The following C2 variants were observed in gnomAD, a reference collection of about 807,000 sequenced individuals.
C2 encodes C3/C5 convertase.
In C2, 64 loss-of-function variants were observed where a neutral mutation model predicts 85.2. That is an observed-to-expected ratio of 0.75 (90% confidence interval 0.61 to 0.92). C2 has a LOEUF of 0.92. Among genes scored for constraint, C2 ranks in the 40% least tolerant of loss-of-function variants. The pLI is 0.00. For missense variants in C2, 820 were observed against 971.6 expected (o/e 0.84, Z 2.07); for synonymous variants, 311 against 370.8 (o/e 0.84, Z 1.85).
chr6:31,941,046 A>T, intron 9 of C2: 1 of 152,388 alleles, frequency 6.6e-6, no homozygotes, highest in Non-Finnish European at 1.5e-5. Flanking sequence ...GTGTGGGTCC[A>T]GGGCCTCCAG....
rs1769490887 is a variant in C2, at chr6:31,928,865, G to T, written c.390G>T (p.Gln130His). ...GFILRGSPVR[Q>H]CRPNGMWDGE... ...TATTGCGGGGCTCGCCTGTGCGTCA[G>T]TGTCGCCCCAACGGCATGTGGGATG... Residue 130 changes from glutamine to histidine, a missense_variant, in exon 3 of 18, where the codon CAG becomes CAT. By Grantham distance (24) the Gln-to-His change is conservative. Transcript: ENST00000299367. 1 of 1,614,230 alleles carries T rather than the reference G, an allele frequency of 6.2e-7. No individual in the cohort carries two copies. Among genetic ancestry groups the T allele is most frequent in the Non-Finnish European group, 8.5e-7 (1 of 1,180,038 alleles).
chr6:31,908,529 G>A (rs1767883030), intron 1 of C2, among the ~76,000 whole-genome samples: 1 of 151,412 alleles, frequency 6.6e-6, no homozygotes, highest in Non-Finnish European at 1.5e-5. Flanking sequence ...GGGGGTGCCT[G>A]TAGTCCCAGC....
At chr6:31,933,091 CAGAGGGAGACCGTGGAAAG>C (rs1770056195) in intron 3 of C2, among the ~76,000 whole-genome samples, 1 of 150,232 alleles carries the variant, frequency 6.7e-6, no homozygotes, top group Non-Finnish European at 1.5e-5. Flanking sequence ...GGCTCGGCAT[CAGAGGGAGACCGTGGAAAG>C]AGAGGGAGAG....
intron 3 of C2, 148 bp from the exon 4 acceptor site, chr6:31,933,462 T>C (rs1770092795): frequency 3.9e-6 from 3 of 761,194 alleles, no homozygotes; most frequent in Non-Finnish European, 4.4e-6. Flanking sequence ...AGCTGACTTC[T>C]TCCCTGGGTC....
chr6:31,932,614 C>T (rs1554279587), intron 3 of C2: 1,774 of 163,352 alleles, frequency 0.011, 28 homozygotes, highest in African/African-American at 0.022. Flanking sequence ...CGGGCAGAGA[C>T]GCTCCTCACT....
chr6:31,903,447 T>C lies in C2; in HGVS notation c.73+2308T>C, dbSNP rs140128047. ...GAGTTCGAGACCAGCCTGGCCAACA[T>C]GGTGAAACCCTGACTCTACTAAATA... On this transcript the variant is annotated intron_variant, in intron 1 of 3. Coordinates refer to the C2 transcript ENST00000452202. 6.3e-3 allele frequency among the ~76,000 whole-genome samples: 952 copies of C among 151,472 alleles called. 11 individuals carry two copies. The highest frequency in any genetic ancestry group is 0.022 in the African/African-American group (893 of 41,106).
At chr6:31,931,553 CAT>C (rs1357393656) in intron 3 of C2, among the ~76,000 whole-genome samples, 1 of 151,882 alleles carries the variant, frequency 6.6e-6, no homozygotes. Flanking sequence ...GGATACAGCA[CAT>C]GTTTCAGAGA....
intron 9 of C2, among the ~76,000 whole-genome samples, chr6:31,942,124 CT>C (rs28986183): frequency 1.8e-3 from 216 of 122,204 alleles, no homozygotes; most frequent in Middle Eastern, 5.0e-3. Context: ...CTCACCTCTT[CT>C]TTTTTTTTTT....
intron 1 of C2, among the ~76,000 whole-genome samples, chr6:31,914,812 C>T (rs1768385797): frequency 6.6e-6 from 1 of 151,844 alleles, no homozygotes; most frequent in Admixed American, 6.6e-5. Flanking sequence ...ACTTGGGAGG[C>T]TGAGGCAGGA....
Position 31,935,773 on chromosome 6 carries a change from A to C in C2, c.850-150A>C, listed in dbSNP as rs1428267004. ...CGCGCCCAGCCCCTAGCTTCTTCCT[A>C]ACAGCCATTTCCTAGTGTCTCCCCT... On this transcript the variant is annotated intron_variant, in intron 6 of 17. Coordinates refer to ENST00000299367, the MANE Select transcript of C2 (RefSeq NM_000063.6). This position sits in a 1 kb window ranked among gnomAD's most constrained non-coding sequence, Gnocchi z 4.3. 1 of 861,504 alleles carries C rather than the reference A, an allele frequency of 1.2e-6. No homozygotes were observed. Among genetic ancestry groups the C allele is most frequent in the African/African-American group, 1.7e-5 (1 of 60,530 alleles). 53.4% of individuals were successfully genotyped at this position (861,504 alleles called of 1,614,324 possible).
chr6:31,933,748 A>G lies in C2; in HGVS notation c.581A>G (p.Asn194Ser), dbSNP rs1770138957. The change falls in exon 4 of 18, where the codon AAC becomes AGC. Residue 194 changes from asparagine to serine, a missense_variant. Coordinates refer to ENST00000299367, the MANE Select transcript of C2 (RefSeq NM_000063.6). ...TGSSERECQG[N>S]GVWSGTEPIC... ...TCTTCGGAGCGGGAGTGCCAGGGCA[A>G]CGGGGTCTGGAGTGGAACGGAGCCC... 1.9e-6 allele frequency: 3 copies of G among 1,613,534 alleles called. No homozygotes were observed. The South Asian group carries it at 3.3e-5, about 18-fold the overall frequency.
At chr6:31,898,814 G>T (rs1404668370), upstream of C2, among the ~76,000 whole-genome samples, 1 of 152,028 alleles carries the variant, frequency 6.6e-6, no homozygotes, top group Non-Finnish European at 1.5e-5. Context: ...CCCCACGACT[G>T]CCAATCACTT....
At chr6:31,913,513 T>C (rs985548767) in intron 1 of C2, among the ~76,000 whole-genome samples, 1 of 151,982 alleles carries the variant, frequency 6.6e-6, no homozygotes, top group Non-Finnish European at 1.5e-5. Flanking sequence ...AAGGCAGAGG[T>C]TACAGTGAGC....
Position 31,936,182 on chromosome 6 carries a change from C to A in C2, c.988+121C>A, listed in dbSNP as rs41267098. 4,134 of 1,088,274 alleles carry A rather than the reference C, an allele frequency of 3.8e-3. 29 individuals carry two copies. Among genetic ancestry groups the A allele is most frequent in the Middle Eastern group, 0.022 (96 of 4,276 alleles). 67.4% of individuals were successfully genotyped at this position (1,088,274 alleles called of 1,614,324 possible). A position where few individuals can be genotyped will look rare whatever the true frequency, so the allele number is the denominator to read the frequency against. On this transcript the variant is annotated intron_variant, in intron 7 of 17. Coordinates refer to ENST00000299367, the MANE Select transcript of C2 (RefSeq NM_000063.6). The stretch of plus-strand genomic sequence containing the variant: ...GCCTCTTGGTGGCACCTGAGTCCCA[C>A]GAGTCTGGGGTAGTTTCAACGTCCA...
intron 1 of C2, among the ~76,000 whole-genome samples, chr6:31,909,729 C>T (rs1329900092): frequency 6.6e-6 from 1 of 151,808 alleles, no homozygotes; most frequent in Non-Finnish European, 1.5e-5. Flanking sequence ...CAGGCGTGAG[C>T]CACTGTGCCC....
chr6:31,936,245 A>G (rs1195945664), intron 7 of C2, 184 bp downstream of exon 7: 5 of 650,190 alleles, frequency 7.7e-6, no homozygotes, highest in Admixed American at 2.4e-5. Context: ...CCCAGCTCAT[A>G]GCTCATTCTG....
upstream of C2, among the ~76,000 whole-genome samples, chr6:31,926,748 G>A (rs1278469544): frequency 6.6e-6 from 1 of 152,028 alleles, no homozygotes; most frequent in African/African-American, 2.4e-5. Context: ...AGTTCTCTAA[G>A]GACTCACTTA....
At chr6:31,900,265 C>T, upstream of C2, 2 of 1,613,614 alleles carry the variant, frequency 1.2e-6, no homozygotes, top group South Asian at 1.1e-5. This position sits in a 1 kb window ranked among gnomAD's most constrained non-coding sequence, Gnocchi z 9.7. Flanking sequence ...GGAAGACCAG[C>T]TTCTCCACGC....
Position 31,933,902 on chromosome 6 carries a change from C to A in C2, c.652C>A (p.Pro218Thr). The A allele has an allele frequency of 1.2e-6, 2 of 1,614,186 alleles. No individual in the cohort carries two copies. The highest frequency in any genetic ancestry group is 1.7e-6 in the Non-Finnish European group (2 of 1,180,038). The change falls in exon 5 of 18, where the codon CCT becomes ACT. Residue 218 changes from proline (P) to threonine (T), a missense_variant. Pro to Thr is a conservative substitution (Grantham distance 38). Coordinates refer to ENST00000299367, the MANE Select transcript of C2 (RefSeq NM_000063.6). ...TTATGACTTCCCTGAGGACGTGGCC[C>A]CTGCCCTGGGCACTTCCTTCTCCCA... is the stretch of plus-strand genomic sequence containing the variant. ...YSYDFPEDVA[P>T]ALGTSFSHML...
Sources: allele counts gnomAD v4.1 joint callset (sites outside exome capture counted in the v4.1 genomes callset), GRCh38; gene constraint gnomAD v4.1.1; non-coding constraint Gnocchi (gnomAD v3.1); transcripts MANE v1.5; gene names NCBI Gene and HGNC (gene_info 2026-07-23, HGNC 2026-07-21).